Variants in FLT4 observed in about 807,000 individuals in gnomAD.
FLT4 encodes the protein vascular endothelial growth factor receptor 3.
In FLT4, 30 loss-of-function variants were observed where a neutral mutation model predicts 163.2. The observed-to-expected ratio is 0.18, with a 90% confidence interval of 0.14 to 0.25. The LOEUF (loss-of-function observed/expected upper bound fraction) is 0.25, where lower values mean the gene tolerates loss of function less well. FLT4 is among the 10% of genes least tolerant of loss of function. FLT4 has a pLI of 1.00. For missense variants in FLT4, 1,510 were observed against 1,863.8 expected, an observed-to-expected ratio of 0.81 and a Z score of 3.50; for synonymous variants, 884 against 789.5, an observed-to-expected ratio of 1.12 and a Z score of -2.01.
At chr5:180,618,645 A>T in intron 21 of FLT4, 125 bp downstream of exon 21, 1 of 1,036,732 alleles carries the variant, frequency 9.6e-7, no homozygotes, top group Non-Finnish European at 1.4e-6. Flanking sequence ...TCCCTTCCTA[A>T]GGCAGAGCCC....
upstream of FLT4, chr5:180,649,622 C>T (rs1026679240): frequency 9.6e-6 from 8 of 837,588 alleles, no homozygotes; most frequent in South Asian, 4.5e-4. Flanking sequence ...CGCCGGCTGG[C>T]CTGGGGCGGG....
Position 180,603,380 on chromosome 5 carries a change from G to A in FLT4, c.3904C>T (p.Pro1302Ser). ...CTGGTCACAGCCACATTCTGGCCAGGTCCTTTACAGCTGCCAAGACAGGGA... is the reference window on the plus strand; with the variant it reads ...CTGGTCACAGCCACATTCTGGCCAGATCCTTTACAGCTGCCAAGACAGGGA... The part of the protein sequence containing the change: ...RQESGFSCKG[P>S]GQNVAVTRAH... Residue 1302 changes from proline to serine, a missense_variant, in exon 30 of 30, where the codon CCT becomes TCT. Pro to Ser is a moderately conservative substitution (Grantham distance 74). This residue lies in a region of FLT4 where 295 missense variants were observed against 311.0 expected (regional missense o/e 0.95). Transcript: ENST00000261937. 6.2e-7 allele frequency: 1 copy of A among 1,613,950 alleles called. No homozygotes were observed. The highest frequency in any genetic ancestry group is 8.5e-7 in the Non-Finnish European group (1 of 1,179,924).
In FLT4 at chr5:180,619,039, G is replaced by T; in HGVS notation, c.2832C>A (p.Asp944Glu). 1.3e-6 allele frequency: 2 copies of T among 1,553,932 alleles called. No homozygotes were observed. The highest frequency in any genetic ancestry group is 1.7e-6 in the Non-Finnish European group (2 of 1,150,168). ...NLSNFLRAKRDAFSPCAEKSP... is the reference protein window; with the variant it reads ...NLSNFLRAKREAFSPCAEKSP... ...CGCTCACCGCGCAGGGGCTGAAGGCGTCCCGCTTGGCGCGCAGGAAGTTGG... is the reference window on the plus strand; with the variant it reads ...CGCTCACCGCGCAGGGGCTGAAGGCTTCCCGCTTGGCGCGCAGGAAGTTGG... The change falls in exon 20 of 30, where the codon GAC (aspartate) becomes GAA (glutamate). Residue 944 changes from aspartate to glutamate, a missense_variant. Asp to Glu is a conservative substitution (Grantham distance 45, BLOSUM62 2). Coordinates refer to ENST00000261937, the MANE Select transcript of FLT4 (RefSeq NM_182925.5).
rs771439120 is a variant in FLT4, at chr5:180,621,940, T to C, written c.1658-36A>G. On this transcript the variant is annotated intron_variant, in intron 12 of 29. Coordinates refer to ENST00000261937, the MANE Select transcript of FLT4 (RefSeq NM_182925.5). ...AGGAAGAAGCCCTGTGGCACTGCCC[T>C]GGGAGTTTGCTCCCCCATCCACCTG... 8.1e-6 allele frequency: 13 copies of C among 1,611,002 alleles called. No homozygotes were observed. The African/African-American group carries it at 1.6e-4, about 20-fold the overall frequency.
upstream of FLT4, chr5:180,649,752 G>T: frequency 5.8e-6 from 1 of 172,520 alleles, no homozygotes; most frequent in East Asian, 1.7e-4. Flanking sequence ...TGCGCGCTCC[G>T]CACCACAGGG....
chr5:180,609,883 C>T, intron 28 of FLT4, 22 bp downstream of exon 28: 3 of 1,613,956 alleles, frequency 1.9e-6, no homozygotes, highest in Non-Finnish European at 1.7e-6. Flanking sequence ...AGAGCGCAGC[C>T]CCCACCCTTC....
Position 180,649,537 on chromosome 5 carries a change from C to T in FLT4, c.9G>A (p.Arg3=). 1 of 1,437,954 alleles carries T rather than the reference C, an allele frequency of 7.0e-7. No homozygotes were observed. The highest frequency in any genetic ancestry group is 9.1e-7 in the Non-Finnish European group (1 of 1,095,398). The allele number at this position is 1,437,954 out of a possible 1,614,324, so 89.1% of individuals were successfully genotyped here. A position where few individuals can be genotyped will look rare whatever the true frequency, so the allele number is the denominator to read the frequency against. The part of the protein sequence containing the change: MQ[R]GAALCLRLWL... ...ACAGTCGCAGGCACAGCGCGGCGCCCCGCTGCATCTCCGGCCGCTGCGCGT... is the reference window on the plus strand; with the variant it reads ...ACAGTCGCAGGCACAGCGCGGCGCCTCGCTGCATCTCCGGCCGCTGCGCGT... The change falls in exon 1 of 30, where the codon CGG becomes CGA. Residue 3 remains arginine, a synonymous_variant. Coordinates refer to ENST00000261937, the MANE Select transcript of FLT4 (RefSeq NM_182925.5).
chr5:180,610,970 T>A (rs1010999703), intron 27 of FLT4, among the ~76,000 whole-genome samples: 2 of 152,146 alleles, frequency 1.3e-5, no homozygotes, highest in Non-Finnish European at 2.9e-5. Context: ...GGCAGGAGAA[T>A]GGCGTGAACC....
chr5:180,631,548 G>T, intron 2 of FLT4, 134 bp downstream of exon 2: 1 of 731,664 alleles, frequency 1.4e-6, no homozygotes, highest in Non-Finnish European at 2.5e-6. Context: ...CAGCCTGGGA[G>T]ACCACACGGC....
At position 180,630,159 on chromosome 5, in the gene FLT4, C is replaced by T. The variant is rs1003661970; in HGVS notation, c.514-54G>A. The T allele has an allele frequency of 3.1e-6, 5 of 1,605,080 alleles. No individual in the cohort carries two copies. The highest frequency in any genetic ancestry group is 1.7e-5 in the Admixed American group (1 of 59,764). ...CAGCTGCCCCTTGCTCCTGGCCAGACAGGCGGCCGCCTTTCCCAGGGGTGG... is the reference window on the plus strand; with the variant it reads ...CAGCTGCCCCTTGCTCCTGGCCAGATAGGCGGCCGCCTTTCCCAGGGGTGG... On this transcript the variant is annotated intron_variant, in intron 4 of 29. Coordinates refer to ENST00000261937, the MANE Select transcript of FLT4 (RefSeq NM_182925.5). The surrounding 1 kb of genome is among the most constrained non-coding windows in gnomAD (Gnocchi z 6.3).
chr5:180,625,670 G>A (rs1463809498), intron 10 of FLT4, among the ~76,000 whole-genome samples, 199 bp downstream of exon 10: 4 of 152,248 alleles, frequency 2.6e-5, no homozygotes, highest in Non-Finnish European at 5.9e-5. Flanking sequence ...ATGGGTGCAA[G>A]GGAGGCTCTG....
At chr5:180,612,918 C>T in intron 25 of FLT4, 93 bp downstream of exon 25, 1 of 961,426 alleles carries the variant, frequency 1.0e-6, no homozygotes, top group Non-Finnish European at 1.6e-6. Flanking sequence ...CCTACTGGCC[C>T]TGGCTTCCCT....
chr5:180,620,364 G>A lies in FLT4; in HGVS notation c.2407-56C>T. On this transcript the variant is annotated intron_variant, in intron 16 of 29. Transcript: ENST00000261937. The surrounding 1 kb of genome is among the most constrained non-coding windows in gnomAD (Gnocchi z 4.4). ...AGCTCACTGATTTGGCCATACCACT[G>A]TGGCTTGGGCAGAACTTTGCCCAGG... The A allele has an allele frequency of 1.2e-6, 2 of 1,602,960 alleles. No individual in the cohort carries two copies. Among genetic ancestry groups the A allele is most frequent in the African/African-American group, 1.3e-5 (1 of 74,994 alleles).
At chr5:180,610,114 C>T in intron 27 of FLT4, 89 bp from the exon 28 acceptor site, 1 of 1,589,378 alleles carries the variant, frequency 6.3e-7, no homozygotes, top group South Asian at 1.1e-5. Flanking sequence ...CCCTCTTCTC[C>T]TGGAAAGGAC....
At chr5:180,619,641 C>T (rs1296957257) in intron 18 of FLT4, 24 bp downstream of exon 18, 4 of 1,584,130 alleles carry the variant, frequency 2.5e-6, no homozygotes, top group Non-Finnish European at 3.5e-6. Flanking sequence ...GCTAGGCTGC[C>T]CCTTCCGCCC....
intron 22 of FLT4, 29 bp downstream of exon 22, chr5:180,616,871 C>CCTT: frequency 1.9e-6 from 3 of 1,575,954 alleles, no homozygotes; most frequent in Non-Finnish European, 2.6e-6. Flanking sequence ...ACCCTTTTCC[C>CCTT]GTCTGAAGGG....
At chr5:180,641,964 T>C (rs1765149584) in intron 1 of FLT4, among the ~76,000 whole-genome samples, 1 of 152,030 alleles carries the variant, frequency 6.6e-6, no homozygotes, top group Non-Finnish European at 1.5e-5. Context: ...ATCACAGCAC[T>C]TTGGGAGGCC....
At chr5:180,649,149 G>A (rs1192586328) in intron 1 of FLT4, among the ~76,000 whole-genome samples, 2 of 151,880 alleles carry the variant, frequency 1.3e-5, no homozygotes, top group African/African-American at 2.4e-5. Context: ...GAGTAAGGGC[G>A]CGAAGGATCC....
At chr5:180,632,620 G>A (rs1252566120) in intron 1 of FLT4, among the ~76,000 whole-genome samples, 1 of 148,612 alleles carries the variant, frequency 6.7e-6, no homozygotes, top group African/African-American at 2.6e-5. Flanking sequence ...GTGTGTGTGT[G>A]TGTGTGTGTG....
Sources: allele counts gnomAD v4.1 joint callset (sites outside exome capture counted in the v4.1 genomes callset), GRCh38; gene constraint gnomAD v4.1.1; regional missense constraint gnomAD v4.1.1; non-coding constraint Gnocchi (gnomAD v3.1); transcripts MANE v1.5; gene names NCBI Gene and HGNC (gene_info 2026-07-23, HGNC 2026-07-21).